The following PCDHGB1 variants were observed in gnomAD, a reference collection of about 807,000 sequenced individuals.
PCDHGB1 encodes protocadherin gamma subfamily B, 1.
Under a neutral mutation model 56.6 loss-of-function variants are expected in PCDHGB1, and 34 were observed. The observed-to-expected ratio is 0.60, with a 90% CI of 0.46 to 0.80. PCDHGB1 has a LOEUF of 0.80. Among genes scored for constraint, PCDHGB1 ranks in the 30% least tolerant of loss-of-function variants. The pLI is 0.00. For missense variants in PCDHGB1, 1,278 were observed against 1,204.6 expected, an observed-to-expected ratio of 1.06 and a Z score of -0.90; for synonymous variants, 561 against 505.9, an observed-to-expected ratio of 1.11 and a Z score of -1.46.
rs780665474 is a variant in PCDHGB1 at position 141,371,288 on chromosome 5, G to C, written c.2409+18619G>C. The C allele has an allele frequency of 2.5e-6, 4 of 1,613,874 alleles. No homozygotes were observed. The East Asian group carries it at 6.7e-5, about 27-fold the overall frequency. ...AACTGTTCAAGCTGGACAGTAAAAC[G>C]GGGGAACTCACCACTATTGGAGAAC... On this transcript the variant is annotated intron_variant, in intron 1 of 3. Transcript: ENST00000523390.
intron 1 of PCDHGB1, chr5:141,423,287 C>T: frequency 6.3e-7 from 1 of 1,586,406 alleles, no homozygotes; most frequent in South Asian, 1.1e-5. Flanking sequence ...AACTCTGAAA[C>T]CTCAGACCTC....
intron 1 of PCDHGB1, among the ~76,000 whole-genome samples, chr5:141,435,383 G>A (rs1057246190): frequency 6.6e-6 from 1 of 152,016 alleles, no homozygotes; most frequent in South Asian, 2.1e-4. Flanking sequence ...ACAATATACC[G>A]TATTGCCATG....
At chr5:141,364,489 G>T in intron 1 of PCDHGB1, 1 of 1,614,034 alleles carries the variant, frequency 6.2e-7, no homozygotes, top group Non-Finnish European at 8.5e-7. Flanking sequence ...AGGACCTTGG[G>T]CTGGAGCCCC....
At chr5:141,468,960 T>TC (rs1562019766) in intron 1 of PCDHGB1, among the ~76,000 whole-genome samples, 1 of 151,348 alleles carries the variant, frequency 6.6e-6, no homozygotes, top group African/African-American at 2.4e-5. Flanking sequence ...TGGTTTTTTT[T>TC]ACCTTAGGCT....
rs750129951 is a variant in PCDHGB1 at position 141,375,757 on chromosome 5, T to C, written c.2409+23088T>C. The C allele has an allele frequency of 6.1e-5, 99 of 1,614,196 alleles. 1 individual carries two copies. The South Asian group carries it at 8.5e-4, about 14-fold the overall frequency. On this transcript the variant is annotated intron_variant, in intron 1 of 3. Coordinates refer to ENST00000523390, the MANE Select transcript of PCDHGB1 (RefSeq NM_018922.3). Reference sequence around the variant, plus strand: ...TGTTTGTGCTGGACCAGAATGACAATGCGCCCGAGATCCTGTACCCCGCCC... The same window carrying C: ...TGTTTGTGCTGGACCAGAATGACAACGCGCCCGAGATCCTGTACCCCGCCC...
intron 1 of PCDHGB1, chr5:141,357,807 T>C: frequency 2.6e-6 from 2 of 772,824 alleles, no homozygotes; most frequent in Non-Finnish European, 4.0e-6. Flanking sequence ...AAATGTTGTT[T>C]ATTACTTATC....
intron 1 of PCDHGB1, among the ~76,000 whole-genome samples, chr5:141,359,823 CAT>C (rs1451386722): frequency 2.0e-5 from 3 of 152,068 alleles, no homozygotes; most frequent in African/African-American, 7.2e-5. Flanking sequence ...GAATATTTCA[CAT>C]ATTTTAAAAC....
intron 1 of PCDHGB1, chr5:141,393,882 T>G (rs1471060639): frequency 6.2e-7 from 1 of 1,614,028 alleles, no homozygotes; most frequent in South Asian, 1.1e-5. Flanking sequence ...TAGCCCAGTG[T>G]TAGAAAATTC....
chr5:141,376,018 C>G (rs761668305), intron 1 of PCDHGB1: 2 of 1,613,312 alleles, frequency 1.2e-6, no homozygotes, highest in Admixed American at 1.7e-5. Context: ...TAGTGGTGGC[C>G]GTCCAGGACC....
intron 1 of PCDHGB1, chr5:141,366,265 C>A: frequency 6.2e-7 from 1 of 1,613,684 alleles, no homozygotes; most frequent in Non-Finnish European, 8.5e-7. Context: ...TCGTGGTGGC[C>A]GTCGAAGACC....
At chr5:141,482,371 T>C (rs1191880709) in intron 1 of PCDHGB1, among the ~76,000 whole-genome samples, 2 of 152,100 alleles carry the variant, frequency 1.3e-5, no homozygotes, top group African/African-American at 2.4e-5. Flanking sequence ...AAGTAATGCA[T>C]ATAAAGTCCC....
chr5:141,403,773 A>T, intron 1 of PCDHGB1: 1 of 1,613,956 alleles, frequency 6.2e-7, no homozygotes, highest in South Asian at 1.1e-5. Context: ...GAGGGAATCA[A>T]CGGAAAAGTG....
In PCDHGB1 at chr5:141,485,979, C is replaced by G; in HGVS notation, c.2410-8828C>G. 1 of 1,614,182 alleles carries G rather than the reference C, an allele frequency of 6.2e-7. No individual in the cohort carries two copies. Among genetic ancestry groups the G allele is most frequent in the Non-Finnish European group, 8.5e-7 (1 of 1,180,022 alleles). On this transcript the variant is annotated intron_variant, in intron 1 of 3. Coordinates refer to ENST00000523390, the MANE Select transcript of PCDHGB1 (RefSeq NM_018922.3). The surrounding 1 kb of genome is among the most constrained non-coding windows in gnomAD (Gnocchi z 5.7). ...CTCATCCAGCTCAATGCCTCAGACC[C>G]GGACCTGGGTCCCAGTGGTAACGTC...
Position 141,408,693 on chromosome 5 carries a change from TAAACTC to T in PCDHGB1, c.2409+56027_2409+56032del, listed in dbSNP as rs1561714743. 1.9e-6 allele frequency: 3 copies of T among 1,613,768 alleles called. No homozygotes were observed. In the African/African-American group the frequency reaches 4.0e-5, roughly 22 times the overall value. On this transcript the variant is annotated intron_variant, in intron 1 of 3. Coordinates refer to ENST00000523390, the MANE Select transcript of PCDHGB1 (RefSeq NM_018922.3). The stretch of plus-strand genomic sequence containing the variant: ...CCTGCCACGGATCCTGATATAAACA[TAAACTC>T]AATTAAAGATTATAAGATAAACTCT...
chr5:141,399,850 C>T (rs768366007), intron 1 of PCDHGB1: 1 of 1,612,946 alleles, frequency 6.2e-7, no homozygotes, highest in Non-Finnish European at 8.5e-7. Flanking sequence ...CGATATGGTG[C>T]CGCGCGCTGC....
chr5:141,391,206 C>G (rs1004320707), intron 1 of PCDHGB1: 14 of 152,076 alleles, frequency 9.2e-5, no homozygotes, highest in African/African-American at 3.4e-4. Flanking sequence ...TACAAAATAC[C>G]AAGGAACATT....
At chr5:141,505,239 G>A (rs2099844708) in intron 2 of PCDHGB1, 154 bp from the exon 3 acceptor site, 1 of 886,092 alleles carries the variant, frequency 1.1e-6, no homozygotes, top group Middle Eastern at 5.9e-4. Context: ...GCTTCTGAAG[G>A]ATTGTAGAAG....
chr5:141,394,864 C>G lies in PCDHGB1; in HGVS notation c.2409+42195C>G. Reference sequence around the variant, plus strand: ...GGCAGTCTGAAGCCTTCGGTCGACCCGAACGATTCGAGCCTTACACTCTAT... The same window carrying G: ...GGCAGTCTGAAGCCTTCGGTCGACCGGAACGATTCGAGCCTTACACTCTAT... On this transcript the variant is annotated intron_variant, in intron 1 of 3. Coordinates refer to ENST00000523390, the MANE Select transcript of PCDHGB1 (RefSeq NM_018922.3). The G allele has an allele frequency of 1.2e-6, 2 of 1,613,780 alleles. No individual in the cohort carries two copies. The highest frequency in any genetic ancestry group is 1.7e-6 in the Non-Finnish European group (2 of 1,179,900).
intron 1 of PCDHGB1, chr5:141,394,850 G>A (rs778925348): frequency 1.1e-5 from 17 of 1,613,702 alleles, no homozygotes; most frequent in Non-Finnish European, 1.4e-5. Context: ...GCAGTCTGAA[G>A]CCTTCGGTCG....
Sources: allele counts gnomAD v4.1 joint callset (sites outside exome capture counted in the v4.1 genomes callset), GRCh38; gene constraint gnomAD v4.1.1; non-coding constraint Gnocchi (gnomAD v3.1); transcripts MANE v1.5; gene names NCBI Gene and HGNC (gene_info 2026-07-23, HGNC 2026-07-21).